Variants in CPED1 observed in about 807,000 individuals in gnomAD.
CPED1 encodes cadherin-like and PC-esterase domain-containing protein 1.
A neutral mutation model predicts 128.2 loss-of-function variants in CPED1; 114 were observed. The observed-to-expected ratio is 0.89, with a 90% CI of 0.76 to 1.04. The LOEUF (loss-of-function observed/expected upper bound fraction) is 1.04, where lower values mean the gene tolerates loss of function less well. Ranked by LOEUF, CPED1 falls within the 50% of genes least tolerant of loss-of-function variation. The pLI, the probability that CPED1 is intolerant of heterozygous loss-of-function variation, is 0.00. For synonymous variants in CPED1, 462 were observed against 426.7 expected (o/e 1.08, Z -1.02); for missense variants, 1,211 against 1,207.1 (o/e 1.00, Z -0.05).
intron 13 of CPED1, 94 bp downstream of exon 13, chr7:121,133,987 A>T: frequency 1.5e-6 from 1 of 677,860 alleles, no homozygotes; most frequent in Non-Finnish European, 2.5e-6. Flanking sequence ...AGCAATCAAA[A>T]ATGAAAATTA....
chr7:121,131,933 A>C (rs1795680245), intron 12 of CPED1, among the ~76,000 whole-genome samples: 1 of 150,782 alleles, frequency 6.6e-6, no homozygotes, highest in Non-Finnish European at 1.5e-5. Flanking sequence ...CTATTCAATG[A>C]TCATTTTAGC....
chr7:121,143,388 C>T (rs796158239), intron 16 of CPED1, among the ~76,000 whole-genome samples: 7 of 151,918 alleles, frequency 4.6e-5, no homozygotes, highest in African/African-American at 1.7e-4. Flanking sequence ...GTTTCATTTC[C>T]AAACTTATTT....
chr7:121,059,590 G>C (rs1044967915), intron 4 of CPED1, among the ~76,000 whole-genome samples: 2 of 151,672 alleles, frequency 1.3e-5, no homozygotes, highest in African/African-American at 4.8e-5. Flanking sequence ...TTTGTAACTA[G>C]TTCAAATTCA....
chr7:121,025,869 A>C (rs1207363692), intron 3 of CPED1, among the ~76,000 whole-genome samples: 41 of 152,166 alleles, frequency 2.7e-4, no homozygotes. Flanking sequence ...TTGGAGAGTC[A>C]AGATTGTCCA....
At chr7:121,129,315 A>ATATATATATATACACG (rs1795600573) in intron 11 of CPED1, among the ~76,000 whole-genome samples, 1 of 95,886 alleles carries the variant, frequency 1.0e-5, no homozygotes, top group East Asian at 2.3e-4. Flanking sequence ...ATATATACGT[A>ATATATATATATACACG]TATATATATA....
intron 3 of CPED1, among the ~76,000 whole-genome samples, chr7:121,039,537 C>A (rs577077865): frequency 6.6e-6 from 1 of 151,958 alleles, no homozygotes; most frequent in African/African-American, 2.4e-5. Context: ...ATGTTAATAT[C>A]TTTTAAGGTG....
intron 16 of CPED1, among the ~76,000 whole-genome samples, chr7:121,147,530 C>T (rs1461406158): frequency 6.6e-6 from 1 of 151,996 alleles, no homozygotes; most frequent in Admixed American, 6.6e-5. Context: ...AAGAAAATTG[C>T]TATACACATA....
chr7:121,125,265 A>G (rs983797229), intron 8 of CPED1, among the ~76,000 whole-genome samples: 2 of 152,188 alleles, frequency 1.3e-5, no homozygotes, highest in Non-Finnish European at 2.9e-5. Context: ...GACACCAAAT[A>G]AGAGTAAATG....
intron 2 of CPED1, among the ~76,000 whole-genome samples, chr7:121,004,128 T>A (rs1791942769): frequency 6.6e-6 from 1 of 152,202 alleles, no homozygotes; most frequent in Admixed American, 6.5e-5. Flanking sequence ...CAGAGCCACC[T>A]GCATGAAGGA....
At chr7:121,025,878 C>T (rs181845135) in intron 3 of CPED1, among the ~76,000 whole-genome samples, 1 of 152,194 alleles carries the variant, frequency 6.6e-6, no homozygotes, top group Admixed American at 6.5e-5. Context: ...CAAGATTGTC[C>T]AGGTACCTGA....
chr7:121,106,448 A>T (rs1399477676), intron 7 of CPED1, among the ~76,000 whole-genome samples: 1 of 152,088 alleles, frequency 6.6e-6, no homozygotes. Flanking sequence ...ATTGCCTTTA[A>T]TACTAGAAAA....
At chr7:121,236,980 C>T in intron 17 of CPED1, 149 bp downstream of exon 17, 1 of 433,538 alleles carries the variant, frequency 2.3e-6, no homozygotes. Context: ...AATGTAAGTG[C>T]ATTGTTTTAA....
At chr7:121,117,100 A>ATATATATATATATAT (rs1450957943) in intron 7 of CPED1, among the ~76,000 whole-genome samples, 4 of 70,644 alleles carry the variant, frequency 5.7e-5, no homozygotes, top group African/African-American at 1.9e-4. Context: ...TATATATATA[A>ATATATATATATATAT]ATATATATAT....
chr7:121,096,869 AC>A (rs1310493613), intron 5 of CPED1, among the ~76,000 whole-genome samples: 4 of 152,170 alleles, frequency 2.6e-5, no homozygotes, highest in Non-Finnish European at 5.9e-5. Context: ...AATTAAAAAA[AC>A]AAACAGAAAT....
intron 2 of CPED1, among the ~76,000 whole-genome samples, chr7:121,015,012 T>C (rs974642998): frequency 1.3e-5 from 2 of 152,232 alleles, no homozygotes; most frequent in South Asian, 4.1e-4. Context: ...CAATTTCCAT[T>C]GTGAGAAAGA....
At chr7:121,206,184 C>G (rs547429580) in intron 16 of CPED1, among the ~76,000 whole-genome samples, 6 of 152,104 alleles carry the variant, frequency 3.9e-5, no homozygotes, top group African/African-American at 1.4e-4. Context: ...GGGCACAGAG[C>G]CTTCCTTGAG....
intron 17 of CPED1, 41 bp downstream of exon 17, chr7:121,236,872 A>G: frequency 4.5e-6 from 5 of 1,116,554 alleles, no homozygotes; most frequent in Non-Finnish European, 6.6e-6. Flanking sequence ...AAAAAAGAAT[A>G]ATTTGGTATA....
rs780950115 is a variant in CPED1, at chr7:121,140,912, T to C, written c.1785T>C (p.Asp595=). ...LNPDFHPKIK[D]YYCEVPFDVV... ...CTGACTTTCATCCAAAGATCAAAGA[T>C]TATTACTGTGAAGTCCCATTTGATG... Residue 595 remains aspartate (D), a synonymous_variant, in exon 15 of 23, where the codon GAT becomes GAC. Transcript: ENST00000310396. The C allele has an allele frequency of 1.2e-6, 2 of 1,612,388 alleles. No homozygotes were observed. Among genetic ancestry groups the C allele is most frequent in the East Asian group, 4.5e-5 (2 of 44,832 alleles).
chr7:121,285,715 C>G (rs112380311), intron 22 of CPED1, among the ~76,000 whole-genome samples: 66 of 152,306 alleles, frequency 4.3e-4, no homozygotes, highest in Non-Finnish European at 8.2e-4. Context: ...GTCCATGTCA[C>G]TGTCAGCATT....
Sources: allele counts gnomAD v4.1 joint callset (sites outside exome capture counted in the v4.1 genomes callset), GRCh38; gene constraint gnomAD v4.1.1; transcripts MANE v1.5; gene names NCBI Gene and HGNC (gene_info 2026-07-23, HGNC 2026-07-21).